NAV3: variants seen among roughly 807,000 people sequenced by gnomAD.
NAV3 encodes neuron navigator 3, also known as pore membrane and/or filament interacting like protein 1.
NAV3 carries 87 observed loss-of-function variants against 244.7 expected under a neutral mutation model. The observed-to-expected ratio is 0.36, with a 90% CI of 0.30 to 0.42. NAV3 has a LOEUF of 0.42. Among genes scored for constraint, NAV3 ranks in the 20% least tolerant of loss-of-function variants. NAV3 has a pLI of 1.00. For synonymous variants in NAV3, 1,126 were observed against 1,042.2 expected, an observed-to-expected ratio of 1.08 and a Z score of -1.55; for missense variants, 2,663 against 2,893.3, an observed-to-expected ratio of 0.92 and a Z score of 1.83.
intron 2 of NAV3, among the ~76,000 whole-genome samples, chr12:77,693,745 A>T (rs2137170144): frequency 6.6e-6 from 1 of 152,192 alleles, no homozygotes; most frequent in Non-Finnish European, 1.5e-5. Context: ...TAATGTTAAT[A>T]AAAGACCCCT....
chr12:77,658,213 T>C (rs12319467), intron 2 of NAV3, among the ~76,000 whole-genome samples: 6 of 152,016 alleles, frequency 3.9e-5, no homozygotes, highest in Admixed American at 6.6e-5. Context: ...AAAACCCCAT[T>C]GTCTCAGCCC....
At chr12:77,934,406 T>TA (rs879692691) in intron 1 of NAV3, among the ~76,000 whole-genome samples, 1 of 150,522 alleles carries the variant, frequency 6.6e-6, no homozygotes, top group African/African-American at 2.4e-5. Flanking sequence ...TGGGAAATTA[T>TA]AAAAAAAAAG....
chr12:77,783,709 A>G (rs1469722829), intron 2 of NAV3: 1 of 152,196 alleles, frequency 6.6e-6, no homozygotes, highest in Non-Finnish European at 1.5e-5. Context: ...TATTTTACTT[A>G]GAGGAAACTA....
intron 29 of NAV3, among the ~76,000 whole-genome samples, chr12:78,180,053 T>C (rs1593932182): frequency 6.6e-6 from 1 of 152,156 alleles, no homozygotes; most frequent in East Asian, 1.9e-4. Context: ...TCACATACTT[T>C]CACCAGTTTT....
intron 12 of NAV3, among the ~76,000 whole-genome samples, chr12:78,085,605 A>G (rs1953593440): frequency 6.6e-6 from 1 of 152,086 alleles, no homozygotes; most frequent in South Asian, 2.1e-4. Flanking sequence ...AAGATGTAGT[A>G]GAAGGGATGG....
chr12:78,011,919 G>T (rs116596581), intron 8 of NAV3, among the ~76,000 whole-genome samples: 1 of 152,034 alleles, frequency 6.6e-6, no homozygotes, highest in South Asian at 2.1e-4. Context: ...ATGGGAAACT[G>T]CCATACACTT....
At chr12:77,843,623 T>A (rs916569795) in intron 1 of NAV3, among the ~76,000 whole-genome samples, 7 of 152,072 alleles carry the variant, frequency 4.6e-5, no homozygotes, top group Non-Finnish European at 1.0e-4. Flanking sequence ...TATTCAATAT[T>A]ACCTAGAAGC....
At chr12:77,743,752 A>G (rs995419726) in intron 2 of NAV3, among the ~76,000 whole-genome samples, 4 of 151,932 alleles carry the variant, frequency 2.6e-5, no homozygotes, top group Admixed American at 2.6e-4. Context: ...AAAGCTTATT[A>G]ATAAGCTTTC....
At chr12:77,820,601 A>G (rs1366268208) in intron 2 of NAV3, among the ~76,000 whole-genome samples, 1 of 152,182 alleles carries the variant, frequency 6.6e-6, no homozygotes, top group East Asian at 1.9e-4. Context: ...AATGTCTGAC[A>G]GAGAGATGTG....
At chr12:77,894,251 C>G (rs1259866392) in intron 1 of NAV3, among the ~76,000 whole-genome samples, 1 of 151,844 alleles carries the variant, frequency 6.6e-6, no homozygotes, top group African/African-American at 2.4e-5. Flanking sequence ...ATGAACATAA[C>G]CTAGAGAGAT....
intron 2 of NAV3, among the ~76,000 whole-genome samples, chr12:77,636,193 C>T (rs529895855): frequency 5.3e-5 from 8 of 152,166 alleles, no homozygotes; most frequent in East Asian, 3.9e-4. Flanking sequence ...AGGCCAGGCA[C>T]GGTGGCTCAT....
chr12:78,140,850 G>A (rs1477222059), intron 20 of NAV3, among the ~76,000 whole-genome samples: 2 of 151,486 alleles, frequency 1.3e-5, no homozygotes, highest in African/African-American at 4.8e-5. Context: ...CCTTTTGAAA[G>A]AGTGTGATTT....
chr12:77,646,530 T>C (rs12228975), intron 2 of NAV3, among the ~76,000 whole-genome samples: 6,930 of 152,170 alleles, frequency 0.046, 266 homozygotes, highest in African/African-American at 0.1. Context: ...ACCTCTGTTC[T>C]ATAAAGGGAG....
chr12:77,866,361 G>T (rs1880024992), intron 1 of NAV3, among the ~76,000 whole-genome samples: 1 of 152,136 alleles, frequency 6.6e-6, no homozygotes, highest in African/African-American at 2.4e-5. Flanking sequence ...TTTTTAAAAA[G>T]AACTTACTAC....
At chr12:78,063,054 T>C (rs2137478076) in intron 12 of NAV3, among the ~76,000 whole-genome samples, 1 of 152,304 alleles carries the variant, frequency 6.6e-6, no homozygotes, top group Non-Finnish European at 1.5e-5. Context: ...TTCCCTTTGA[T>C]CAACTTCTGG....
Position 78,185,610 on chromosome 12 carries a change from T to C in NAV3, c.5702T>C (p.Leu1901Pro), listed in dbSNP as rs765539654. Residue 1901 changes from leucine (L) to proline (P), a missense_variant, in exon 31 of 40, where the codon CTA (leucine) becomes CCA (proline). By Grantham distance (98) the Leu-to-Pro change is moderately conservative (BLOSUM62 -3). Transcript: ENST00000397909. ...TTTTAAAATTTGATAGATATTTTGC[T>C]AGATGATGCTGGTGATGCAACTGGA... Reference protein sequence around the residue: ...ITEAVSSDILLDDAGDATGHK... With the variant: ...ITEAVSSDILPDDAGDATGHK... 1 of 1,607,866 alleles carries C rather than the reference T, an allele frequency of 6.2e-7. No homozygotes were observed. The highest frequency in any genetic ancestry group is 8.5e-7 in the Non-Finnish European group (1 of 1,177,024).
chr12:77,703,792 A>G (rs1329640225), intron 2 of NAV3, among the ~76,000 whole-genome samples: 1 of 152,186 alleles, frequency 6.6e-6, no homozygotes, highest in Non-Finnish European at 1.5e-5. Context: ...AATGAAAATA[A>G]GATCCTGTCA....
intron 1 of NAV3, among the ~76,000 whole-genome samples, chr12:77,873,764 ATATG>A (rs10542318): frequency 0.2 from 25,187 of 123,508 alleles, 4,073 homozygotes; most frequent in South Asian, 0.3. Context: ...ATATATATAT[ATATG>A]TATATAACAG....
At chr12:78,047,916 T>C (rs1882100823) in intron 9 of NAV3, among the ~76,000 whole-genome samples, 2 of 152,190 alleles carry the variant, frequency 1.3e-5, no homozygotes, top group African/African-American at 4.8e-5. Flanking sequence ...CTTTTCATTC[T>C]TTTTTCTCTA....
Sources: gnomAD v4.1 joint callset for allele counts (sites outside exome capture counted in the v4.1 genomes callset) on GRCh38, gnomAD v4.1.1 for gene constraint, MANE v1.5 for transcripts, NCBI Gene and HGNC (gene_info 2026-07-23, HGNC 2026-07-21) for gene names.